FOXP2: variants seen among roughly 807,000 people sequenced by gnomAD.
FOXP2 encodes the protein forkhead box protein P2.
Under a neutral mutation model 115.8 loss-of-function variants are expected in FOXP2, and 12 were observed. That is an observed-to-expected ratio of 0.10 (90% CI 0.07 to 0.17). FOXP2 has a LOEUF of 0.17. FOXP2 is among the 10% of genes least tolerant of loss of function. The pLI is 1.00. For synonymous variants in FOXP2, 328 were observed against 297.7 expected (o/e 1.10, Z -1.05); for missense variants, 629 against 843.5 (o/e 0.75, Z 3.15).
intron 1 of FOXP2, among the ~76,000 whole-genome samples, chr7:114,203,389 G>T (rs1309439990): frequency 1.3e-5 from 2 of 152,154 alleles, no homozygotes; most frequent in African/African-American, 4.8e-5. Context: ...CTGTAGTGCA[G>T]TGGTGCTATC....
intron 1 of FOXP2, among the ~76,000 whole-genome samples, chr7:114,112,416 G>T (rs1791294823): frequency 6.6e-6 from 1 of 152,028 alleles, no homozygotes; most frequent in Admixed American, 6.6e-5. Flanking sequence ...TCCAGCCTCA[G>T]CCTCCTGAGT....
intron 2 of FOXP2, among the ~76,000 whole-genome samples, chr7:114,378,718 G>GGA (rs1792205225): frequency 1.9e-5 from 1 of 53,520 alleles, no homozygotes; most frequent in African/African-American, 5.7e-5. Context: ...GAAAAAGAAA[G>GGA]AAAGTGAAAA....
At chr7:114,665,221 A>T (rs1294049878) in intron 16 of FOXP2, 5 of 152,098 alleles carry the variant, frequency 3.3e-5, no homozygotes, top group Non-Finnish European at 7.4e-5. Flanking sequence ...TTGTTTACTA[A>T]AATGTATTGA....
rs559216014 is a variant in FOXP2, at chr7:114,401,623, C to A, written c.-10-24879C>A. On this transcript the variant is annotated intron_variant, in intron 2 of 17. Transcript: ENST00000634411. ...TTGGCGATTTATTTTTAGGTTGGAC[C>A]TGAAGGTCAAAGCCAGGTCTGTTAG... Among the ~76,000 whole-genome samples, 10 of 152,282 alleles carry A rather than the reference C, an allele frequency of 6.6e-5. No homozygotes were observed. The South Asian group carries it at 2.1e-3, about 32-fold the overall frequency.
chr7:114,328,527 C>T (rs536015628), intron 2 of FOXP2, among the ~76,000 whole-genome samples: 9 of 152,184 alleles, frequency 5.9e-5, no homozygotes, highest in South Asian at 4.1e-4. Flanking sequence ...TGAGCCACCG[C>T]GCCCAGCCTC....
chr7:114,241,803 G>T (rs560175079), intron 1 of FOXP2, among the ~76,000 whole-genome samples: 1 of 151,448 alleles, frequency 6.6e-6, no homozygotes, highest in Non-Finnish European at 1.5e-5. Context: ...AGTAGGGAAT[G>T]ACATAATTAA....
At chr7:114,621,937 G>A (rs1453466716) in intron 3 of FOXP2, among the ~76,000 whole-genome samples, 1 of 151,896 alleles carries the variant, frequency 6.6e-6, no homozygotes, top group East Asian at 1.9e-4. Flanking sequence ...AAATTATCTT[G>A]AAATATAATT....
chr7:114,211,870 C>T (rs1249231631), intron 1 of FOXP2, among the ~76,000 whole-genome samples: 3 of 151,962 alleles, frequency 2.0e-5, no homozygotes, highest in Admixed American at 6.6e-5. Flanking sequence ...GTCAGGAGTT[C>T]GAGACCAGCC....
At chr7:114,357,623 A>G (rs1791647226) in intron 2 of FOXP2, among the ~76,000 whole-genome samples, 1 of 152,126 alleles carries the variant, frequency 6.6e-6, no homozygotes, top group South Asian at 2.1e-4. Flanking sequence ...TGGAGAGCTT[A>G]TTTTTGGGAA....
chr7:114,346,024 A>G (rs1791338497), intron 2 of FOXP2, among the ~76,000 whole-genome samples: 1 of 151,808 alleles, frequency 6.6e-6, no homozygotes, highest in African/African-American at 2.4e-5. Context: ...TTTATTCACA[A>G]AGATAATTGA....
At chr7:114,379,447 G>A (rs1792225993) in intron 2 of FOXP2, among the ~76,000 whole-genome samples, 1 of 152,122 alleles carries the variant, frequency 6.6e-6, no homozygotes, top group African/African-American at 2.4e-5. Context: ...CCCAAGTGTT[G>A]TTGGGGAGGT....
intron 1 of FOXP2, among the ~76,000 whole-genome samples, chr7:114,145,472 T>TTTTCTTTTCTTTTCTTTTCC (rs1792344235): frequency 2.0e-5 from 3 of 146,686 alleles, no homozygotes; most frequent in Non-Finnish European, 3.0e-5. Context: ...TTTTCTTTTC[T>TTTTCTTTTCTTTTCTTTTCC]TTTCTTTTCT....
intron 3 of FOXP2, among the ~76,000 whole-genome samples, chr7:114,549,170 A>G (rs1562991885): frequency 1.3e-5 from 2 of 152,180 alleles, no homozygotes; most frequent in Non-Finnish European, 1.5e-5. Context: ...GCTGTGTTCT[A>G]CGATCCAGAT....
intron 2 of FOXP2, among the ~76,000 whole-genome samples, chr7:114,440,935 T>C (rs1000384411): frequency 1.3e-5 from 2 of 152,204 alleles, no homozygotes; most frequent in Non-Finnish European, 2.9e-5. Context: ...AAGAAATTTC[T>C]ATTTTGATCC....
intron 1 of FOXP2, among the ~76,000 whole-genome samples, chr7:114,252,373 G>A (rs1304292788): frequency 6.6e-6 from 1 of 152,136 alleles, no homozygotes; most frequent in East Asian, 1.9e-4. Context: ...AATGGTACCA[G>A]CTCCTCCTTG....
chr7:114,119,083 A>C (rs985808213), intron 1 of FOXP2, among the ~76,000 whole-genome samples: 3 of 152,166 alleles, frequency 2.0e-5, no homozygotes, highest in Non-Finnish European at 2.9e-5. Flanking sequence ...AAATATGCAT[A>C]GGTTTTAACC....
At chr7:114,231,613 C>A (rs1794876706) in intron 1 of FOXP2, among the ~76,000 whole-genome samples, 1 of 152,102 alleles carries the variant, frequency 6.6e-6, no homozygotes, top group African/African-American at 2.4e-5. Context: ...CAAAACTATG[C>A]AATGGTGCAA....
At chr7:114,456,006 A>G (rs1447248825) in intron 2 of FOXP2, among the ~76,000 whole-genome samples, 1 of 152,142 alleles carries the variant, frequency 6.6e-6, no homozygotes, top group Non-Finnish European at 1.5e-5. Context: ...TCACTAACTT[A>G]GTCATCCTTC....
At chr7:114,546,249 A>C (rs1207212912) in intron 3 of FOXP2, among the ~76,000 whole-genome samples, 1 of 152,126 alleles carries the variant, frequency 6.6e-6, no homozygotes, top group Non-Finnish European at 1.5e-5. Flanking sequence ...TCCTGACGCC[A>C]TTGTGTAGAC....
Sources: gnomAD v4.1 joint callset for allele counts (sites outside exome capture counted in the v4.1 genomes callset) on GRCh38, gnomAD v4.1.1 for gene constraint, MANE v1.5 for transcripts, NCBI Gene and HGNC (gene_info 2026-07-23, HGNC 2026-07-21) for gene names.